The following GALNT13 variants were observed in gnomAD, a reference collection of about 807,000 sequenced individuals.
GALNT13 encodes UDP-GalNAc:polypeptide N-acetylgalactosaminyltransferase 13.
GALNT13 carries 28 observed loss-of-function variants against 64.2 expected under a neutral mutation model. The observed-to-expected ratio is 0.44, with a 90% CI of 0.32 to 0.60. The LOEUF (loss-of-function observed/expected upper bound fraction) is 0.60. GALNT13 is among the 20% of genes least tolerant of loss of function. The pLI, the probability that GALNT13 is intolerant of heterozygous loss-of-function variation, is 0.05. For missense variants in GALNT13, 577 were observed against 669.8 expected, an observed-to-expected ratio of 0.86 and a Z score of 1.53; for synonymous variants, 214 against 224.6, an observed-to-expected ratio of 0.95 and a Z score of 0.42.
At chr2:153,990,012 A>T (rs868689456) in intron 3 of GALNT13, among the ~76,000 whole-genome samples, 5 of 152,084 alleles carry the variant, frequency 3.3e-5, no homozygotes, top group African/African-American at 1.2e-4. Flanking sequence ...TATCGAAGTA[A>T]TTTTTCTTAT....
At chr2:154,335,082 A>G (rs901448726) in intron 9 of GALNT13, among the ~76,000 whole-genome samples, 7 of 151,996 alleles carry the variant, frequency 4.6e-5, no homozygotes, top group Admixed American at 2.6e-4. Flanking sequence ...AAGTATTTTC[A>G]GAAGACTTCC....
the GALNT13 span, among the ~76,000 whole-genome samples, chr2:153,566,503 T>C: frequency 0.92 from 140,071 of 151,848 alleles, 64,659 homozygotes; most frequent in Admixed American, 0.93. Flanking sequence ...TACAGGCGCC[T>C]GCCACCGCGC....
the GALNT13 span, among the ~76,000 whole-genome samples, chr2:153,397,646 CAAA>C: frequency 7.6e-6 from 1 of 130,824 alleles, no homozygotes; most frequent in Admixed American, 7.7e-5. Context: ...TCTATGAAGG[CAAA>C]AAAAAAAAAA....
At chr2:154,434,301 C>T (rs1483182100) in intron 11 of GALNT13, among the ~76,000 whole-genome samples, 1 of 152,090 alleles carries the variant, frequency 6.6e-6, no homozygotes, top group Non-Finnish European at 1.5e-5. Context: ...GCTCTGTAGC[C>T]CAGGCTGGAG....
chr2:153,232,014 T>C, the GALNT13 span, among the ~76,000 whole-genome samples: 1 of 152,156 alleles, frequency 6.6e-6, no homozygotes, highest in Non-Finnish European at 1.5e-5. Flanking sequence ...AAAAGAAATG[T>C]GAAAACGTGC....
At chr2:154,392,049 C>T (rs955691158) in intron 9 of GALNT13, among the ~76,000 whole-genome samples, 6 of 151,888 alleles carry the variant, frequency 4.0e-5, no homozygotes, top group African/African-American at 1.2e-4. Context: ...AAGTATAAAG[C>T]CTTGAATTGT....
the GALNT13 span, among the ~76,000 whole-genome samples, chr2:153,636,488 C>A: frequency 6.6e-6 from 1 of 152,056 alleles, no homozygotes; most frequent in Non-Finnish European, 1.5e-5. Context: ...CTGTGGTTAG[C>A]AGAAAATAAT....
the GALNT13 span, among the ~76,000 whole-genome samples, chr2:153,749,158 C>T: frequency 1.3e-5 from 2 of 151,884 alleles, no homozygotes; most frequent in African/African-American, 4.8e-5. Flanking sequence ...GGATTTTTTT[C>T]TGAGTTGTTT....
At chr2:153,864,014 T>C in the GALNT13 span, among the ~76,000 whole-genome samples, 5 of 152,234 alleles carry the variant, frequency 3.3e-5, no homozygotes, top group African/African-American at 1.2e-4. Flanking sequence ...CATAACTGAA[T>C]GCCAATACTT....
At chr2:153,864,762 C>A in the GALNT13 span, among the ~76,000 whole-genome samples, 1 of 150,260 alleles carries the variant, frequency 6.7e-6, no homozygotes, top group African/African-American at 2.5e-5. Flanking sequence ...TCAATGCCAT[C>A]CCCATCAAGC....
At chr2:153,940,477 G>A (rs949642842) in intron 2 of GALNT13, among the ~76,000 whole-genome samples, 14 of 151,902 alleles carry the variant, frequency 9.2e-5, no homozygotes, top group African/African-American at 2.7e-4. Context: ...GGCTGGTTTC[G>A]AACTCCTTAC....
At chr2:154,227,491 C>T (rs894653243) in intron 4 of GALNT13, among the ~76,000 whole-genome samples, 7 of 114,774 alleles carry the variant, frequency 6.1e-5, no homozygotes, top group African/African-American at 2.3e-4. Context: ...TCCCCCCACC[C>T]CACAACAGGC....
At chr2:154,029,730 A>G (rs1698221285) in intron 3 of GALNT13, among the ~76,000 whole-genome samples, 1 of 152,222 alleles carries the variant, frequency 6.6e-6, no homozygotes, top group Non-Finnish European at 1.5e-5. Flanking sequence ...AAGCAAAGAT[A>G]TGACTTACAT....
chr2:153,209,596 T>G, the GALNT13 span, among the ~76,000 whole-genome samples: 1 of 152,170 alleles, frequency 6.6e-6, no homozygotes. Flanking sequence ...CAGGTAAAAT[T>G]TGAGTCCTCC....
chr2:154,425,491 T>C (rs1700431644), intron 11 of GALNT13, among the ~76,000 whole-genome samples: 2 of 152,210 alleles, frequency 1.3e-5, no homozygotes, highest in African/African-American at 4.8e-5. Flanking sequence ...AAACTATGTA[T>C]GCATGTATGT....
rs183656814 is a variant in GALNT13 at position 154,127,893 on chromosome 2, G to A, written c.143-12444G>A. The stretch of plus-strand genomic sequence containing the variant: ...ATGATATGTTTATTGCATATAATCA[G>A]GTAAAATTTTAAGGATTTTAAGAGG... On this transcript the variant is annotated intron_variant, in intron 3 of 12. Coordinates refer to ENST00000392825, the MANE Select transcript of GALNT13 (RefSeq NM_052917.4). Among the ~76,000 whole-genome samples the A allele has an allele frequency of 3.9e-3, 590 of 151,456 alleles. 4 individuals carry two copies. Among genetic ancestry groups the A allele is most frequent in the African/African-American group, 0.014 (559 of 41,374 alleles).
chr2:153,283,363 C>A, the GALNT13 span, among the ~76,000 whole-genome samples: 284 of 152,294 alleles, frequency 1.9e-3, no homozygotes, highest in African/African-American at 6.7e-3. Context: ...ACCTGGAGAT[C>A]TGCCTTAATG....
chr2:153,896,334 T>A (rs1449623203), intron 1 of GALNT13, among the ~76,000 whole-genome samples: 1 of 150,934 alleles, frequency 6.6e-6, no homozygotes, highest in African/African-American at 2.4e-5. Context: ...TGGTTTTACA[T>A]TTGTTCTCAT....
chr2:154,101,973 A>T (rs1413503534), intron 3 of GALNT13, among the ~76,000 whole-genome samples: 1 of 151,982 alleles, frequency 6.6e-6, no homozygotes, highest in East Asian at 1.9e-4. Context: ...CTTGGTGTTG[A>T]TTTCTCATTT....
Sources: gnomAD v4.1 joint callset for allele counts (sites outside exome capture counted in the v4.1 genomes callset) on GRCh38, gnomAD v4.1.1 for gene constraint, MANE v1.5 for transcripts, NCBI Gene and HGNC (gene_info 2026-07-23, HGNC 2026-07-21) for gene names.